The following CAST variants were observed in gnomAD, a reference collection of about 807,000 sequenced individuals.
The protein encoded by CAST is MIR583 host.
CAST carries 76 observed loss-of-function variants against 119.6 expected under a neutral mutation model. The ratio of observed to expected loss-of-function variants is 0.64; its 90% CI spans 0.53 to 0.77. The LOEUF (loss-of-function observed/expected upper bound fraction) is 0.77. Ranked by LOEUF, CAST falls within the 30% of genes least tolerant of loss-of-function variation. The probability of loss-of-function intolerance (pLI) is 0.00; values close to 1 mark genes in which losing one functional copy is unlikely to be tolerated. For missense variants in CAST, 953 were observed against 946.5 expected (o/e 1.01, Z -0.09); for synonymous variants, 319 against 331.6 (o/e 0.96, Z 0.41).
chr5:96,724,602 G>A (rs113710451), intron 4 of CAST, among the ~76,000 whole-genome samples: 14,280 of 152,220 alleles, frequency 0.094, 871 homozygotes, highest in Middle Eastern at 0.16. Flanking sequence ...AGGTCAAGGT[G>A]GGAGGATCGC....
At chr5:96,432,218 G>C in the CAST span, 19 of 1,145,792 alleles carry the variant, frequency 1.7e-5, no homozygotes, top group Admixed American at 2.0e-5. Context: ...GAGCTCCCTA[G>C]AGAGTCGCGG....
At chr5:96,023,453 T>A in the CAST span, among the ~76,000 whole-genome samples, 4 of 152,230 alleles carry the variant, frequency 2.6e-5, no homozygotes, top group East Asian at 5.8e-4. Context: ...CTCAAATGTA[T>A]AATAACCTTC....
the CAST span, among the ~76,000 whole-genome samples, chr5:96,090,285 A>G: frequency 3.3e-5 from 5 of 152,178 alleles, no homozygotes; most frequent in African/African-American, 9.7e-5. Context: ...TGAAGGTTCT[A>G]TGGCTTACTA....
chr5:96,757,133 C>A (rs575195823), intron 22 of CAST, among the ~76,000 whole-genome samples: 1 of 152,288 alleles, frequency 6.6e-6, no homozygotes, highest in Non-Finnish European at 1.5e-5. Flanking sequence ...GTCACAGCAC[C>A]ACATACCACA....
chr5:96,393,156 C>T, the CAST span: 1 of 1,614,172 alleles, frequency 6.2e-7, no homozygotes, highest in Non-Finnish European at 8.5e-7. Flanking sequence ...TTTTCCAGGG[C>T]TTCGTAGAAG....
At chr5:96,634,484 T>A (rs961723103) in intron 1 of CAST, among the ~76,000 whole-genome samples, 2 of 152,230 alleles carry the variant, frequency 1.3e-5, no homozygotes, top group Non-Finnish European at 2.9e-5. Context: ...AAACTTCAGA[T>A]GAACTGATTC....
the CAST span, among the ~76,000 whole-genome samples, chr5:96,346,619 A>G: frequency 6.6e-6 from 1 of 152,156 alleles, no homozygotes; most frequent in African/African-American, 2.4e-5. Flanking sequence ...TATATACTAC[A>G]TCCTAAAGCA....
At chr5:96,465,280 T>G in the CAST span, among the ~76,000 whole-genome samples, 6 of 152,048 alleles carry the variant, frequency 3.9e-5, no homozygotes, top group Admixed American at 3.9e-4. Flanking sequence ...CTCAGCTATC[T>G]TTTCAATTAT....
chr5:96,274,587 C>T, the CAST span, among the ~76,000 whole-genome samples: 3 of 152,126 alleles, frequency 2.0e-5, no homozygotes, highest in African/African-American at 7.2e-5. Flanking sequence ...TTAAAGTTGC[C>T]CTTAGGCCTC....
At chr5:96,089,503 C>T in the CAST span, among the ~76,000 whole-genome samples, 2 of 152,122 alleles carry the variant, frequency 1.3e-5, no homozygotes, top group African/African-American at 4.8e-5. Flanking sequence ...TATCATACAT[C>T]CATACAATAG....
At chr5:96,357,975 T>C in the CAST span, among the ~76,000 whole-genome samples, 2 of 152,206 alleles carry the variant, frequency 1.3e-5, no homozygotes, top group Non-Finnish European at 2.9e-5. Flanking sequence ...TTTTTTTTGT[T>C]GGTAGGCTAT....
At chr5:95,961,969 C>A in the CAST span, 4 of 440,230 alleles carry the variant, frequency 9.1e-6, no homozygotes, top group Non-Finnish European at 1.6e-5. Context: ...TCATCGGCCG[C>A]CCTCCACTCT....
At chr5:96,083,282 A>ATACTC in the CAST span, among the ~76,000 whole-genome samples, 1 of 152,248 alleles carries the variant, frequency 6.6e-6, no homozygotes, top group Admixed American at 6.5e-5. Context: ...GAGAATAAAA[A>ATACTC]TACTCTGAAG....
intron 1 of CAST, among the ~76,000 whole-genome samples, chr5:96,606,651 A>G (rs1478137469): frequency 6.6e-6 from 1 of 152,212 alleles, no homozygotes; most frequent in Non-Finnish European, 1.5e-5. Context: ...AAATTTTACC[A>G]TGAGAAAGGC....
the CAST span, among the ~76,000 whole-genome samples, chr5:96,064,666 A>C: frequency 1.3e-5 from 2 of 151,290 alleles, no homozygotes; most frequent in South Asian, 4.2e-4. Flanking sequence ...CCTGATTTTC[A>C]CAAGTGATAT....
At chr5:96,175,385 G>A in the CAST span, among the ~76,000 whole-genome samples, 2 of 152,034 alleles carry the variant, frequency 1.3e-5, no homozygotes, top group Non-Finnish European at 2.9e-5. Flanking sequence ...AAAAATTATC[G>A]AGTATCTACT....
At chr5:96,386,971 AAAAACAAAAACAAAACAAAAC>A in the CAST span, among the ~76,000 whole-genome samples, 5 of 152,212 alleles carry the variant, frequency 3.3e-5, no homozygotes, top group Non-Finnish European at 2.9e-5. Context: ...TCTCAAAAAC[AAAAACAAAAACAAAACAAAAC>A]AAAACAAAAA....
the CAST span, among the ~76,000 whole-genome samples, chr5:96,429,887 T>C: frequency 6.6e-6 from 1 of 152,172 alleles, no homozygotes; most frequent in African/African-American, 2.4e-5. Flanking sequence ...TTTACACACA[T>C]TGGAGGAAAT....
chr5:96,508,162 G>GT, the CAST span, among the ~76,000 whole-genome samples: 7 of 151,964 alleles, frequency 4.6e-5, no homozygotes, highest in Admixed American at 1.3e-4. Flanking sequence ...CACCTGGTGT[G>GT]TTTTTTTGTT....
Sources: gnomAD v4.1 joint callset for allele counts (sites outside exome capture counted in the v4.1 genomes callset) on GRCh38, gnomAD v4.1.1 for gene constraint, MANE v1.5 for transcripts, NCBI Gene and HGNC (gene_info 2026-07-23, HGNC 2026-07-21) for gene names.